SPACA6: variants seen among roughly 807,000 people sequenced by gnomAD.
The protein encoded by SPACA6 is sperm acrosome membrane-associated protein 6.
For missense variants in SPACA6, 8 were observed against 2.8 expected (o/e 2.88, Z -1.34); for synonymous variants, 6 against 1.5 (o/e 4.05, Z -2.21).
rs904054977 is a variant in SPACA6 at position 51,693,624 on chromosome 19, C to T, written c.98C>T (p.Thr33Ile). The T allele has an allele frequency of 4.9e-5, 21 of 426,144 alleles. No individual in the cohort carries two copies. The highest frequency in any genetic ancestry group is 6.7e-5 in the Non-Finnish European group (16 of 238,366). The allele number at this position is 426,144 out of a possible 1,614,324, so 26.4% of individuals were successfully genotyped here. Reference sequence around the variant, plus strand: ...TGGGCCTGTCTCCTCTGCTTCACAACCTACTCTGAGCGCCTCCGCATCTGC... The same window carrying T: ...TGGGCCTGTCTCCTCTGCTTCACAATCTACTCTGAGCGCCTCCGCATCTGC... ...PAWACLLCFT[T>I]YSERLRICQM... Residue 33 changes from threonine to isoleucine, a missense_variant, in exon 1 of 9, where the codon ACC becomes ATC. Coordinates refer to ENST00000637797, the MANE Select transcript of SPACA6 (RefSeq NM_001316972.2).
At chr19:51,693,071 T>C, upstream of SPACA6, 2 of 362,260 alleles carry the variant, frequency 5.5e-6, no homozygotes, top group South Asian at 2.1e-5. Flanking sequence ...TGTGTCTCTT[T>C]CACAGTGGAT....
chr19:51,685,478 T>C (rs1369577796), upstream of SPACA6: 1 of 152,232 alleles, frequency 6.6e-6, no homozygotes, highest in South Asian at 2.1e-4. Context: ...TTCATTTATA[T>C]ATGCCTTCTA....
At chr19:51,694,874 G>T (rs998503820) in intron 2 of SPACA6, among the ~76,000 whole-genome samples, 4 of 152,088 alleles carry the variant, frequency 2.6e-5, no homozygotes, top group Non-Finnish European at 2.9e-5. Context: ...GAAGTTCTGG[G>T]TGTGTCACTG....
At chr19:51,697,733 A>G (rs1260458237) in intron 2 of SPACA6, among the ~76,000 whole-genome samples, 1 of 152,114 alleles carries the variant, frequency 6.6e-6, no homozygotes. Flanking sequence ...TCTTATTTGT[A>G]TATATGTATA....
At position 51,701,689 on chromosome 19, in the gene SPACA6, G is replaced by A. The variant is rs2167418; in HGVS notation, c.324G>A (p.Ala108=). The A allele has an allele frequency of 0.18, 73,199 of 398,572 alleles. 7,200 individuals are homozygous for A. Among genetic ancestry groups the A allele is most frequent in the South Asian group, 0.24 (1,862 of 7,850 alleles). 24.7% of individuals were successfully genotyped at this position (398,572 alleles called of 1,614,324 possible). The change falls in exon 3 of 9, where the codon GCG becomes GCA. Residue 108 remains alanine, a synonymous_variant. Transcript: ENST00000637797. ...TTGAGGTTGCCTTCCCTGATGCTGC[G>A]GAGAAAATGAAGAAGGTCATTACAC... is the stretch of plus-strand genomic sequence containing the variant. ...GSFEVAFPDA[A]EKMKKVITQL...
chr19:51,705,191 GATTGTTTC>G (rs1182201342), downstream of SPACA6: 4 of 400,972 alleles, frequency 1.0e-5, no homozygotes, highest in African/African-American at 8.2e-5. Flanking sequence ...TTCAACTCTA[GATTGTTTC>G]ATCTCCGAAG....
intron 2 of SPACA6, among the ~76,000 whole-genome samples, chr19:51,698,424 C>G (rs1321428354): frequency 6.6e-6 from 1 of 152,160 alleles, no homozygotes; most frequent in Non-Finnish European, 1.5e-5. Flanking sequence ...GCCCACCCGG[C>G]CACCATGGCT....
upstream of SPACA6, chr19:51,687,030 G>A (rs1437214566): frequency 1.3e-5 from 2 of 152,164 alleles, no homozygotes; most frequent in Non-Finnish European, 2.9e-5. Flanking sequence ...GCTCAGCCAA[G>A]GTGGGAGGAT....
At chr19:51,709,932 A>G (rs1460497332), downstream of SPACA6, among the ~76,000 whole-genome samples, 1 of 152,176 alleles carries the variant, frequency 6.6e-6, no homozygotes, top group Non-Finnish European at 1.5e-5. Flanking sequence ...TGTGCAGTCA[A>G]ACCCTCTGCC....
intron 2 of SPACA6, among the ~76,000 whole-genome samples, chr19:51,696,714 G>A (rs2083433515): frequency 6.6e-6 from 1 of 152,134 alleles, no homozygotes; most frequent in Non-Finnish European, 1.5e-5. Context: ...CTCCCAAAGT[G>A]CTGGGATTAC....
In SPACA6 at chr19:51,703,278, G is replaced by A; in HGVS notation, c.514G>A (p.Val172Ile). 2.5e-6 allele frequency: 1 copy of A among 399,422 alleles called. No homozygotes were observed. Among genetic ancestry groups the A allele is most frequent in the South Asian group, 1.3e-4 (1 of 7,864 alleles). 24.7% of individuals were successfully genotyped at this position (399,422 alleles called of 1,614,324 possible). ...CGACCAGGCTATGTTTTCTTGCATC[G>A]TAAACTTCCAGCTGCCAAAGGAGGA... is the stretch of plus-strand genomic sequence containing the variant. ...RGDQAMFSCI[V>I]NFQLPKEEIT... is the part of the protein sequence containing the mutation. The change falls in exon 6 of 9, where the codon GTA (valine) becomes ATA (isoleucine). Residue 172 changes from valine (V) to isoleucine (I), a missense_variant. By Grantham distance (29) the Val-to-Ile change is conservative (BLOSUM62 3). Transcript: ENST00000637797. This position sits in a 1 kb window ranked among gnomAD's most constrained non-coding sequence, Gnocchi z 4.2.
chr19:51,691,858 G>C (rs2083376400), upstream of SPACA6, among the ~76,000 whole-genome samples: 1 of 152,018 alleles, frequency 6.6e-6, no homozygotes, highest in South Asian at 2.1e-4. Context: ...AGAAGGCTGG[G>C]GACACCTCCT....
intron 2 of SPACA6, among the ~76,000 whole-genome samples, chr19:51,695,721 A>G (rs1012339652): frequency 6.6e-6 from 1 of 152,154 alleles, no homozygotes; most frequent in African/African-American, 2.4e-5. Context: ...GAACCTTTGG[A>G]TCTGGGAATG....
At chr19:51,692,340 G>A (rs1347394017), upstream of SPACA6, among the ~76,000 whole-genome samples, 2 of 152,212 alleles carry the variant, frequency 1.3e-5, no homozygotes, top group Non-Finnish European at 2.9e-5. This position sits in a 1 kb window ranked among gnomAD's most constrained non-coding sequence, Gnocchi z 5.6. Context: ...GGGACTCCTG[G>A]GTCTCTGGGG....
At chr19:51,701,887 A>C (rs1468755753) in intron 3 of SPACA6, 161 bp downstream of exon 3, 6 of 367,850 alleles carry the variant, frequency 1.6e-5, no homozygotes, top group Admixed American at 9.2e-5. Context: ...AGTCTGACCA[A>C]CATGGTGATA....
intron 8 of SPACA6, 199 bp downstream of exon 8, chr19:51,704,679 C>G (rs73054883): frequency 0.068 from 26,912 of 397,094 alleles, 1,271 homozygotes; most frequent in African/African-American, 0.15. Flanking sequence ...TCCCTTAGAT[C>G]TAAGAGTCCA....
At chr19:51,711,796 G>A (rs992547217) in intron 2 of SPACA6, among the ~76,000 whole-genome samples, 19 of 152,110 alleles carry the variant, frequency 1.2e-4, no homozygotes, top group African/African-American at 3.4e-4. Flanking sequence ...AGCACATACT[G>A]CAGGATTGCA....
chr19:51,695,031 C>G (rs938563246), intron 2 of SPACA6, among the ~76,000 whole-genome samples: 4 of 149,448 alleles, frequency 2.7e-5, no homozygotes, highest in Non-Finnish European at 4.4e-5. Context: ...AGAACACACA[C>G]ACACTCGCAC....
the SPACA6 span, among the ~76,000 whole-genome samples, chr19:51,683,337 C>T: frequency 1.3e-5 from 2 of 152,134 alleles, no homozygotes; most frequent in Non-Finnish European, 2.9e-5. Flanking sequence ...ATCCAGTATG[C>T]CTTCATTTTA....
Sources: allele counts gnomAD v4.1 joint callset (sites outside exome capture counted in the v4.1 genomes callset), GRCh38; gene constraint gnomAD v4.1.1; non-coding constraint Gnocchi (gnomAD v3.1); transcripts MANE v1.5; gene names NCBI Gene and HGNC (gene_info 2026-07-23, HGNC 2026-07-21).